Variants in CCDC85C observed in about 807,000 individuals in gnomAD.
CCDC85C encodes coiled-coil domain containing 85C.
Under a neutral mutation model 38.3 loss-of-function variants are expected in CCDC85C, and 18 were observed. The ratio of observed to expected loss-of-function variants is 0.47; its 90% CI spans 0.33 to 0.70. CCDC85C has a LOEUF of 0.70. CCDC85C is among the 30% of genes least tolerant of loss of function. The pLI is 0.03. For synonymous variants in CCDC85C, 264 were observed against 293.8 expected (o/e 0.90, Z 1.04); for missense variants, 566 against 621.2 (o/e 0.91, Z 0.94).
Position 99,516,273 on chromosome 14 carries a change from T to C in CCDC85C, c.1085A>G (p.His362Arg). ...VVHAMKVLEV[H>R]ENLDRQLQDS... ...CTGGAGCTGCCGGTCCAGATTCTCG[T>C]GTACCTCCAGGACCTGAAGGGAACG... Residue 362 changes from histidine (H) to arginine (R), a missense_variant, in exon 5 of 6, where the codon CAC (histidine) becomes CGC (arginine). Physicochemically the swap from His to Arg is conservative, Grantham distance 29. This residue lies in a region of CCDC85C where 286 missense variants were observed against 276.4 expected (regional missense o/e 1.03). Transcript: ENST00000380243. The surrounding 1 kb of genome is among the most constrained non-coding windows in gnomAD (Gnocchi z 5.5). 6.4e-7 allele frequency: 1 copy of C among 1,551,032 alleles called. No homozygotes were observed. Among genetic ancestry groups the C allele is most frequent in the Non-Finnish European group, 8.7e-7 (1 of 1,146,822 alleles).
intron 1 of CCDC85C, among the ~76,000 whole-genome samples, chr14:99,551,903 G>T (rs905989805): frequency 2.6e-5 from 4 of 152,290 alleles, no homozygotes; most frequent in Middle Eastern, 3.4e-3. Context: ...TAGCAGACAG[G>T]TGGGACCAGC....
intron 2 of CCDC85C, among the ~76,000 whole-genome samples, chr14:99,532,341 G>A (rs952367781): frequency 2.0e-5 from 3 of 152,204 alleles, no homozygotes; most frequent in Non-Finnish European, 4.4e-5. Flanking sequence ...CTCACAGGCA[G>A]TGCCCTGCCA....
rs922852309 is a variant in CCDC85C, at chr14:99,535,673, C to T, written c.867+342G>A. On this transcript the variant is annotated intron_variant, in intron 2 of 5. Coordinates refer to ENST00000380243, the MANE Select transcript of CCDC85C (RefSeq NM_001144995.2). This position sits in a 1 kb window ranked among gnomAD's most constrained non-coding sequence, Gnocchi z 5.5. Reference sequence around the variant, plus strand: ...AGCACGGCAGAGGCGGGGAGGCTTCCGTGTGAGTCTGCCCCATCTCCTGCC... The same window carrying T: ...AGCACGGCAGAGGCGGGGAGGCTTCTGTGTGAGTCTGCCCCATCTCCTGCC... Among the ~76,000 whole-genome samples the T allele has an allele frequency of 2.6e-4, 39 of 151,894 alleles. No homozygotes were observed. The highest frequency in any genetic ancestry group is 5.1e-4 in the Non-Finnish European group (35 of 68,000).
chr14:99,570,713 C>A (rs1898320413), intron 1 of CCDC85C, among the ~76,000 whole-genome samples: 1 of 152,184 alleles, frequency 6.6e-6, no homozygotes, highest in African/African-American at 2.4e-5. Flanking sequence ...TAGATATTCA[C>A]CTTCCCGGCC....
In CCDC85C at chr14:99,502,184, C is replaced by T. The variant is rs1896847674; in HGVS notation, c.*13062G>A. The T allele has an allele frequency of 6.5e-7, 1 of 1,532,402 alleles. No individual in the cohort carries two copies. Among genetic ancestry groups the T allele is most frequent in the Admixed American group, 2.0e-5 (1 of 49,400 alleles). 94.9% of individuals were successfully genotyped at this position (1,532,402 alleles called of 1,614,324 possible). Reference sequence around the variant, plus strand: ...TAAATATTAGATCATATTATCTAACCTTTTTTTTTCTTGTTGAACTAGTCT... The same window carrying T: ...TAAATATTAGATCATATTATCTAACTTTTTTTTTTCTTGTTGAACTAGTCT... On this transcript the variant is annotated 3_prime_UTR_variant, in exon 6 of 6. Transcript: ENST00000380243.
rs867895303 is a variant in CCDC85C at position 99,529,161 on chromosome 14, T to A, written c.867+6854A>T. 1.3e-4 allele frequency among the ~76,000 whole-genome samples: 20 copies of A among 152,320 alleles called. 1 individual carries two copies. Among genetic ancestry groups the A allele is most frequent in the Middle Eastern group, 6.8e-3 (2 of 294 alleles). On this transcript the variant is annotated intron_variant, in intron 2 of 5. Transcript: ENST00000380243. ...ACTTACCCATGGCTGGCACTGCTCCTCCCTTGGTCCCCATGTCATTTCACA... is the reference window on the plus strand; with the variant it reads ...ACTTACCCATGGCTGGCACTGCTCCACCCTTGGTCCCCATGTCATTTCACA...
Position 99,501,467 on chromosome 14 carries a change from T to C in CCDC85C, c.*13779A>G, listed in dbSNP as rs1440707234. ...CAGTATTTTAAAATAGGCAGAGACT[T>C]TATGGACCATTTCATCTAAACCCCT... is the stretch of plus-strand genomic sequence containing the variant. On this transcript the variant is annotated 3_prime_UTR_variant, in exon 6 of 6. Coordinates refer to ENST00000380243, the MANE Select transcript of CCDC85C (RefSeq NM_001144995.2). 2 of 1,159,350 alleles carry C rather than the reference T, an allele frequency of 1.7e-6. No individual in the cohort carries two copies. The highest frequency in any genetic ancestry group is 3.0e-5 in the African/African-American group (2 of 65,802). 71.8% of individuals were successfully genotyped at this position (1,159,350 alleles called of 1,614,324 possible).
chr14:99,534,554 C>G (rs1897555741), intron 2 of CCDC85C: 2 of 694,968 alleles, frequency 2.9e-6, no homozygotes, highest in South Asian at 3.0e-5. Flanking sequence ...GCAGTAGCCC[C>G]TGCCACCACC....
At chr14:99,574,503 C>A (rs1898429351) in intron 1 of CCDC85C, among the ~76,000 whole-genome samples, 1 of 152,170 alleles carries the variant, frequency 6.6e-6, no homozygotes, top group African/African-American at 2.4e-5. Context: ...GCACAGGGAA[C>A]CCTGCCAAGT....
At chr14:99,593,973 G>A (rs183489416) in intron 1 of CCDC85C, among the ~76,000 whole-genome samples, 1 of 150,964 alleles carries the variant, frequency 6.6e-6, no homozygotes, top group South Asian at 2.1e-4. Flanking sequence ...AATGGGGAAG[G>A]TGGGGTTGTG....
At chr14:99,560,055 A>C (rs945564499) in intron 1 of CCDC85C, among the ~76,000 whole-genome samples, 2 of 150,524 alleles carry the variant, frequency 1.3e-5, no homozygotes, top group African/African-American at 2.4e-5. Context: ...CCCCCTGCAC[A>C]CAGCCAGGTG....
chr14:99,577,541 C>T (rs988717052), intron 1 of CCDC85C, among the ~76,000 whole-genome samples: 2 of 151,984 alleles, frequency 1.3e-5, no homozygotes, highest in African/African-American at 2.4e-5. Flanking sequence ...CTGCAGTGAA[C>T]AAGACCTGTG....
At chr14:99,585,695 C>A (rs537484953) in intron 1 of CCDC85C, among the ~76,000 whole-genome samples, 1 of 152,204 alleles carries the variant, frequency 6.6e-6, no homozygotes, top group African/African-American at 2.4e-5. Flanking sequence ...GCTGCCTTGT[C>A]GGAGATCGCA....
chr14:99,522,732 T>C, intron 2 of CCDC85C: 1 of 153,902 alleles, frequency 6.5e-6, no homozygotes, highest in Non-Finnish European at 1.4e-5. Context: ...CCAGGCTGCC[T>C]CCCCCATCGG....
chr14:99,580,344 C>T (rs1263123383), intron 1 of CCDC85C, among the ~76,000 whole-genome samples: 1 of 151,292 alleles, frequency 6.6e-6, no homozygotes, highest in Non-Finnish European at 1.5e-5. Flanking sequence ...GAGCACACCT[C>T]CCAGAGTCAC....
intron 1 of CCDC85C, among the ~76,000 whole-genome samples, chr14:99,541,377 A>G (rs115066616): frequency 0.014 from 2,137 of 152,300 alleles, 46 homozygotes; most frequent in African/African-American, 0.048. Flanking sequence ...CTCTGGGCAC[A>G]CGCTCCTTGC....
At position 99,505,256 on chromosome 14, in the gene CCDC85C, A is replaced by G. The variant is rs1473234775; in HGVS notation, c.*9990T>C. ...TCATGGGAAACATGGTGGCCTCAGC[A>G]TGCTGGCTGCGGGGCAGGAAGGGCA... On this transcript the variant is annotated 3_prime_UTR_variant, in exon 6 of 6. Coordinates refer to ENST00000380243, the MANE Select transcript of CCDC85C (RefSeq NM_001144995.2). The G allele has an allele frequency of 6.6e-6, 1 of 152,302 alleles. No individual in the cohort carries two copies. The highest frequency in any genetic ancestry group is 1.5e-5 in the Non-Finnish European group (1 of 68,114). The allele number at this position is 152,302 out of a possible 1,614,324, so 9.4% of individuals were successfully genotyped here. A position where few individuals can be genotyped will look rare whatever the true frequency, so the allele number is the denominator to read the frequency against.
chr14:99,596,499 G>A (rs1332954323), intron 1 of CCDC85C, among the ~76,000 whole-genome samples: 1 of 152,214 alleles, frequency 6.6e-6, no homozygotes, highest in Non-Finnish European at 1.5e-5. Flanking sequence ...TGATCTTTCT[G>A]CTCTGCTCCC....
At chr14:99,575,647 G>A (rs764907384) in intron 1 of CCDC85C, among the ~76,000 whole-genome samples, 9 of 152,204 alleles carry the variant, frequency 5.9e-5, no homozygotes, top group African/African-American at 1.7e-4. Flanking sequence ...GTGCCTCTGC[G>A]CACAGCGGAC....
Sources: allele counts gnomAD v4.1 joint callset (sites outside exome capture counted in the v4.1 genomes callset), GRCh38; gene constraint gnomAD v4.1.1; regional missense constraint gnomAD v4.1.1; non-coding constraint Gnocchi (gnomAD v3.1); transcripts MANE v1.5; gene names NCBI Gene and HGNC (gene_info 2026-07-23, HGNC 2026-07-21).